The following CA10 variants were observed in gnomAD, a reference collection of about 807,000 sequenced individuals.
CA10 encodes the protein carbonic anhydrase 10 (inactive), also known as carbonic anhydrase-related protein 10.
CA10 carries 14 observed loss-of-function variants against 44.2 expected under a neutral mutation model. The observed-to-expected ratio is 0.32, with a 90% CI of 0.21 to 0.50. The LOEUF (loss-of-function observed/expected upper bound fraction) is 0.50, where lower values mean the gene tolerates loss of function less well. Ranked by LOEUF, CA10 falls within the 20% of genes least tolerant of loss-of-function variation. CA10 has a pLI of 0.99. For synonymous variants in CA10, 159 were observed against 141.6 expected (o/e 1.12, Z -0.87); for missense variants, 350 against 409.7 (o/e 0.85, Z 1.26).
chr17:52,013,831 TA>T, intron 2 of CA10, among the ~76,000 whole-genome samples: 1 of 152,080 alleles, frequency 6.6e-6, no homozygotes. Context: ...GTCCTTTATA[TA>T]AAATAACGTA....
At position 51,866,683 on chromosome 17, in the gene CA10, C is replaced by T. The variant is rs566742516; in HGVS notation, c.279+64307G>A. Among the ~76,000 whole-genome samples the T allele has an allele frequency of 2.6e-5, 4 of 152,328 alleles. No homozygotes were observed. The South Asian group carries it at 8.3e-4, about 32-fold the overall frequency. The stretch of plus-strand genomic sequence containing the variant: ...GGCTTCTCCTTTGGAGGTGACAGGG[C>T]TTCCTTACCCTTCATTATACCACTT... On this transcript the variant is annotated intron_variant, in intron 3 of 8. Coordinates refer to ENST00000451037, the MANE Select transcript of CA10 (RefSeq NM_020178.5).
intron 3 of CA10, among the ~76,000 whole-genome samples, chr17:51,930,632 T>A (rs1166483663): frequency 6.6e-6 from 1 of 152,122 alleles, no homozygotes; most frequent in Non-Finnish European, 1.5e-5. Context: ...TTTTCTCACT[T>A]CACTGAGGTT....
chr17:51,654,250 C>T (rs928694561), intron 4 of CA10, among the ~76,000 whole-genome samples: 8 of 152,274 alleles, frequency 5.3e-5, no homozygotes, highest in African/African-American at 1.9e-4. Context: ...GCTTCTGATG[C>T]ACCAGCCTGT....
intron 8 of CA10, 48 bp from the exon 9 acceptor site, chr17:51,631,654 C>T (rs755013029): frequency 1.9e-5 from 28 of 1,495,600 alleles, no homozygotes; most frequent in Admixed American, 5.0e-5. Context: ...CAACATAAAA[C>T]GAGGCATACT....
intron 3 of CA10, among the ~76,000 whole-genome samples, chr17:51,842,579 C>T (rs1978334026): frequency 2.0e-5 from 3 of 152,262 alleles, no homozygotes; most frequent in South Asian, 4.2e-4. Context: ...AAGTCACGGT[C>T]ACTAGGTTTA....
chr17:51,982,744 T>C (rs184421657), intron 2 of CA10, among the ~76,000 whole-genome samples: 1 of 151,990 alleles, frequency 6.6e-6, no homozygotes, highest in African/African-American at 2.4e-5. Flanking sequence ...TCATCAACTT[T>C]AGGTATTTTA....
intron 2 of CA10, among the ~76,000 whole-genome samples, chr17:51,948,144 C>T (rs554077433): frequency 2.5e-4 from 38 of 152,114 alleles, no homozygotes; most frequent in Non-Finnish European, 4.0e-4. Context: ...TGCTGGGACT[C>T]AGCAACAAGA....
At chr17:52,137,680 A>T (rs1209298316) in intron 1 of CA10, among the ~76,000 whole-genome samples, 1 of 152,140 alleles carries the variant, frequency 6.6e-6, no homozygotes, top group Admixed American at 6.5e-5. Context: ...AGTGCTTGGC[A>T]CTCAGCTCCA....
chr17:52,095,864 T>C (rs922374678), intron 1 of CA10, among the ~76,000 whole-genome samples: 1 of 152,164 alleles, frequency 6.6e-6, no homozygotes, highest in African/African-American at 2.4e-5. Flanking sequence ...TGGATGTAGG[T>C]AAGGATATAA....
chr17:52,029,071 G>T (rs937426523), intron 2 of CA10, among the ~76,000 whole-genome samples: 2 of 152,102 alleles, frequency 1.3e-5, no homozygotes, highest in African/African-American at 4.8e-5. Context: ...AATATGTCAA[G>T]GTCTGTTTTT....
chr17:51,969,699 C>A (rs1220229654), intron 2 of CA10, among the ~76,000 whole-genome samples: 1 of 151,594 alleles, frequency 6.6e-6, no homozygotes, highest in South Asian at 2.1e-4. Flanking sequence ...CCCCTGTGTG[C>A]GAGGGATTGT....
At chr17:51,780,308 G>A (rs1323317709) in intron 3 of CA10, among the ~76,000 whole-genome samples, 1 of 152,196 alleles carries the variant, frequency 6.6e-6, no homozygotes, top group Non-Finnish European at 1.5e-5. Flanking sequence ...TGGTGCAGAG[G>A]AAGGCATGCA....
intron 3 of CA10, among the ~76,000 whole-genome samples, chr17:51,784,417 T>G (rs1044902476): frequency 6.6e-6 from 1 of 152,200 alleles, no homozygotes; most frequent in African/African-American, 2.4e-5. Flanking sequence ...ATATGTCAGT[T>G]TAAAACAGCT....
At chr17:51,849,028 A>G (rs1357595662) in intron 3 of CA10, among the ~76,000 whole-genome samples, 1 of 151,510 alleles carries the variant, frequency 6.6e-6, no homozygotes, top group Admixed American at 6.6e-5. Flanking sequence ...CCTGGGTGAC[A>G]GAATGAGACT....
At chr17:52,104,604 C>A (rs376824911) in intron 1 of CA10, among the ~76,000 whole-genome samples, 1 of 152,170 alleles carries the variant, frequency 6.6e-6, no homozygotes, top group Non-Finnish European at 1.5e-5. Flanking sequence ...CCCCTAGATC[C>A]AACCCTCTTT....
intron 2 of CA10, among the ~76,000 whole-genome samples, chr17:52,050,525 T>C (rs1987035019): frequency 6.6e-6 from 1 of 152,098 alleles, no homozygotes; most frequent in South Asian, 2.1e-4. Context: ...AATCACTCAC[T>C]ACTGAATAAA....
intron 2 of CA10, among the ~76,000 whole-genome samples, chr17:52,065,202 TTC>T (rs1480279409): frequency 6.6e-6 from 1 of 152,216 alleles, no homozygotes; most frequent in Non-Finnish European, 1.5e-5. Context: ...TTAGCTTAGC[TTC>T]TCCTAGATTA....
chr17:51,962,259 T>G (rs1340109600), intron 2 of CA10, among the ~76,000 whole-genome samples: 2 of 152,248 alleles, frequency 1.3e-5, no homozygotes. Context: ...TTGCCACTTG[T>G]GCAGAGAACT....
rs66635963 is a variant in CA10, at chr17:51,831,667, A to AAGCAGCAGC, written c.280-83858_280-83850dup. The stretch of plus-strand genomic sequence containing the variant: ...TGGATTGTTCCAAGGAGAAAAGAAA[A>AAGCAGCAGC]AGCAGCAGCAGCAGCAGCAGCAGCA... On this transcript the variant is annotated intron_variant, in intron 3 of 8. Coordinates refer to ENST00000451037, the MANE Select transcript of CA10 (RefSeq NM_020178.5). Among the ~76,000 whole-genome samples the AAGCAGCAGC allele has an allele frequency of 2.3e-3, 291 of 127,486 alleles. 10 individuals are homozygous for AAGCAGCAGC. The highest frequency in any genetic ancestry group is 8.1e-3 in the Middle Eastern group (2 of 246). 83.6% of individuals were successfully genotyped at this position (127,486 alleles called of 152,430 possible). A position where few individuals can be genotyped will look rare whatever the true frequency, so the allele number is the denominator to read the frequency against.
Sources: gnomAD v4.1 joint callset for allele counts (sites outside exome capture counted in the v4.1 genomes callset) on GRCh38, gnomAD v4.1.1 for gene constraint, MANE v1.5 for transcripts, NCBI Gene and HGNC (gene_info 2026-07-23, HGNC 2026-07-21) for gene names.